SLC9A9: variants seen among roughly 807,000 people sequenced by gnomAD.
SLC9A9 encodes the protein solute carrier family 9 member A9, also known as sodium/hydrogen exchanger 9.
SLC9A9 carries 62 observed loss-of-function variants against 77.8 expected under a neutral mutation model. That is an observed-to-expected ratio of 0.80 (90% confidence interval 0.65 to 0.98). SLC9A9 has a LOEUF of 0.98. SLC9A9 is among the 50% of genes least tolerant of loss of function. The pLI, the probability that SLC9A9 is intolerant of heterozygous loss-of-function variation, is 0.00. For missense variants in SLC9A9, 775 were observed against 774.9 expected (o/e 1.00, Z 0.00); for synonymous variants, 320 against 283.5 (o/e 1.13, Z -1.29).
intron 2 of SLC9A9, among the ~76,000 whole-genome samples, chr3:143,813,612 T>C (rs2008926974): frequency 6.6e-6 from 1 of 152,038 alleles, no homozygotes; most frequent in Admixed American, 6.5e-5. Context: ...TCTCTCTGGG[T>C]GTGTAAGTCT....
chr3:143,562,943 A>T (rs2037110817), intron 8 of SLC9A9, among the ~76,000 whole-genome samples: 1 of 152,166 alleles, frequency 6.6e-6, no homozygotes, highest in Non-Finnish European at 1.5e-5. Flanking sequence ...CCTACAAAAA[A>T]TAATGATAAG....
chr3:143,329,435 T>C (rs1335407514), intron 14 of SLC9A9, among the ~76,000 whole-genome samples: 1 of 152,214 alleles, frequency 6.6e-6, no homozygotes, highest in African/African-American at 2.4e-5. Context: ...AGATCCCTAT[T>C]GACATGAAAT....
chr3:143,610,760 G>T (rs944831644), intron 6 of SLC9A9, among the ~76,000 whole-genome samples: 5 of 152,138 alleles, frequency 3.3e-5, no homozygotes, highest in African/African-American at 1.2e-4. Flanking sequence ...TCCTATGAGA[G>T]AAATTATCTG....
chr3:143,684,613 T>C (rs763736919), intron 5 of SLC9A9, among the ~76,000 whole-genome samples: 9 of 152,004 alleles, frequency 5.9e-5, no homozygotes, highest in Non-Finnish European at 1.2e-4. Context: ...AATGCTGAGA[T>C]TGTCAGGCTT....
At chr3:143,420,410 T>A (rs545874686) in intron 12 of SLC9A9, among the ~76,000 whole-genome samples, 28 of 152,310 alleles carry the variant, frequency 1.8e-4, no homozygotes, top group Admixed American at 1.4e-3. Flanking sequence ...AAAAGATCCT[T>A]TCTTGCCAGA....
chr3:143,572,296 GGTGTGT>G (rs71629562), intron 8 of SLC9A9, among the ~76,000 whole-genome samples: 28 of 148,788 alleles, frequency 1.9e-4, no homozygotes, highest in East Asian at 5.9e-4. Flanking sequence ...CTTAGGCAAT[GGTGTGT>G]GTGTGTGTGT....
chr3:143,361,519 C>T (rs1156641264), intron 14 of SLC9A9, among the ~76,000 whole-genome samples: 1 of 152,126 alleles, frequency 6.6e-6, no homozygotes, highest in African/African-American at 2.4e-5. Context: ...TATTAAGAGG[C>T]CACATAGTTG....
At chr3:143,557,394 T>C (rs762658393) in intron 8 of SLC9A9, among the ~76,000 whole-genome samples, 3 of 152,154 alleles carry the variant, frequency 2.0e-5, no homozygotes, top group Non-Finnish European at 4.4e-5. Context: ...GGGGTGTTTT[T>C]ATAAGGATAT....
At chr3:143,606,986 T>C (rs2037939326) in intron 6 of SLC9A9, among the ~76,000 whole-genome samples, 2 of 93,000 alleles carry the variant, frequency 2.2e-5, no homozygotes, top group South Asian at 6.2e-4. Flanking sequence ...CTGTACAAAA[T>C]ACAATACATA....
intron 4 of SLC9A9, among the ~76,000 whole-genome samples, chr3:143,710,156 G>A (rs1934102110): frequency 6.6e-6 from 1 of 152,198 alleles, no homozygotes; most frequent in African/African-American, 2.4e-5. Context: ...TGGTGTGTGT[G>A]CATGTGTATA....
intron 4 of SLC9A9, among the ~76,000 whole-genome samples, chr3:143,786,163 T>C (rs543605704): frequency 6.6e-6 from 1 of 152,198 alleles, no homozygotes; most frequent in East Asian, 1.9e-4. Context: ...CCAACTTGAA[T>C]TTTTCATTTA....
intron 5 of SLC9A9, among the ~76,000 whole-genome samples, chr3:143,675,342 A>C (rs2039220212): frequency 6.6e-6 from 1 of 152,242 alleles, no homozygotes; most frequent in Non-Finnish European, 1.5e-5. Context: ...CATTAGCTAA[A>C]CAGAGACTTT....
chr3:143,525,438 C>T (rs1338646112), intron 9 of SLC9A9, among the ~76,000 whole-genome samples: 1 of 152,158 alleles, frequency 6.6e-6, no homozygotes, highest in East Asian at 1.9e-4. Context: ...AACTAAGTGG[C>T]AAGTGTAGAC....
chr3:143,480,209 G>A (rs838637), intron 11 of SLC9A9, among the ~76,000 whole-genome samples: 34,361 of 152,180 alleles, frequency 0.23, 5,062 homozygotes, highest in Non-Finnish European at 0.33. Flanking sequence ...AACCTAACTG[G>A]CTGGTTAAAA....
chr3:143,366,574 G>T (rs970436639), intron 13 of SLC9A9, among the ~76,000 whole-genome samples: 1 of 152,150 alleles, frequency 6.6e-6, no homozygotes, highest in Non-Finnish European at 1.5e-5. Flanking sequence ...GGTCTCTTAG[G>T]TCCTAATCAT....
intron 4 of SLC9A9, among the ~76,000 whole-genome samples, chr3:143,741,425 C>T (rs181662641): frequency 7.1e-4 from 108 of 152,198 alleles, no homozygotes; most frequent in African/African-American, 2.4e-3. Context: ...TCCACAAGTC[C>T]ACACTGATAT....
chr3:143,704,569 C>T (rs1259857943), intron 4 of SLC9A9, among the ~76,000 whole-genome samples: 1 of 152,112 alleles, frequency 6.6e-6, no homozygotes, highest in African/African-American at 2.4e-5. Flanking sequence ...AATTTCACCT[C>T]TAGGAATATA....
At chr3:143,328,189 A>C (rs1419325719) in intron 14 of SLC9A9, among the ~76,000 whole-genome samples, 2 of 152,226 alleles carry the variant, frequency 1.3e-5, no homozygotes, top group African/African-American at 4.8e-5. Context: ...AATGTAAACT[A>C]TGGACTTCGG....
intron 2 of SLC9A9, among the ~76,000 whole-genome samples, chr3:143,808,734 C>T (rs1038101748): frequency 6.6e-6 from 1 of 152,138 alleles, no homozygotes; most frequent in Non-Finnish European, 1.5e-5. Flanking sequence ...GCTATTTAAC[C>T]TCTCTGTCCT....
Sources: gnomAD v4.1 joint callset for allele counts (sites outside exome capture counted in the v4.1 genomes callset) on GRCh38, gnomAD v4.1.1 for gene constraint, MANE v1.5 for transcripts, NCBI Gene and HGNC (gene_info 2026-07-23, HGNC 2026-07-21) for gene names.